Variants in FBP2 observed in about 807,000 individuals in gnomAD.
FBP2 encodes the protein fructose-1,6-bisphosphatase isozyme 2.
FBP2 carries 27 observed loss-of-function variants against 31.6 expected under a neutral mutation model. The observed-to-expected ratio is 0.85, with a 90% CI of 0.63 to 1.18. The LOEUF (loss-of-function observed/expected upper bound fraction) is 1.18. Ranked by LOEUF, FBP2 falls within the 50% of genes most tolerant of loss-of-function variation. The probability of loss-of-function intolerance (pLI) is 0.00; values close to 1 mark genes in which losing one functional copy is unlikely to be tolerated. For synonymous variants in FBP2, 168 were observed against 179.8 expected (o/e 0.93, Z 0.53); for missense variants, 421 against 436.1 (o/e 0.97, Z 0.31).
At chr9:94,563,550 C>A in intron 5 of FBP2, 89 bp from the exon 6 acceptor site, 1 of 1,449,466 alleles carries the variant, frequency 6.9e-7, no homozygotes, top group South Asian at 1.3e-5. Flanking sequence ...TTGGTGTGAC[C>A]TCTGCCTTCT....
rs538577903 is a variant in FBP2, at chr9:94,558,773, T to G, written c.*165A>C. The G allele has an allele frequency of 1.1e-4, 69 of 642,698 alleles. No homozygotes were observed. Among genetic ancestry groups the G allele is most frequent in the Non-Finnish European group, 1.8e-4 (66 of 369,376 alleles). The allele number at this position is 642,698 out of a possible 1,614,324, so 39.8% of individuals were successfully genotyped here. A position where few individuals can be genotyped will look rare whatever the true frequency, so the allele number is the denominator to read the frequency against. ...CCTTCACATTGACCATAGAATCGCC[T>G]GTGGCTTCCAAACCTGTCGTAAGCA... is the stretch of plus-strand genomic sequence containing the variant. On this transcript the variant is annotated 3_prime_UTR_variant, in exon 7 of 7. Coordinates refer to ENST00000375337, the MANE Select transcript of FBP2 (RefSeq NM_003837.4).
Position 94,564,952 on chromosome 9 carries a change from A to G in FBP2, c.706-1491T>C, listed in dbSNP as rs1433281213. On this transcript the variant is annotated intron_variant, in intron 5 of 6. Coordinates refer to ENST00000375337, the MANE Select transcript of FBP2 (RefSeq NM_003837.4). ...AAGGAGGATATTGAATGTTCCCAAC[A>G]CAAAGAAATAATAAATGTCTGAGAT... 2.6e-5 allele frequency among the ~76,000 whole-genome samples: 4 copies of G among 152,244 alleles called. No individual in the cohort carries two copies. The East Asian group carries it at 7.7e-4, about 29-fold the overall frequency.
At chr9:94,573,419 C>A (rs2987882) in intron 3 of FBP2, among the ~76,000 whole-genome samples, 2 of 151,908 alleles carry the variant, frequency 1.3e-5, no homozygotes, top group Non-Finnish European at 2.9e-5. Context: ...CTACCACCCC[C>A]CTCTCCAGCT....
chr9:94,585,858 A>G (rs1291748800), intron 2 of FBP2, among the ~76,000 whole-genome samples: 2 of 151,252 alleles, frequency 1.3e-5, no homozygotes, highest in Non-Finnish European at 2.9e-5. Context: ...CAATTCTCCC[A>G]CCTCAGACTC....
chr9:94,566,295 C>G (rs1473356418), intron 5 of FBP2, among the ~76,000 whole-genome samples: 1 of 152,254 alleles, frequency 6.6e-6, no homozygotes, highest in Non-Finnish European at 1.5e-5. Flanking sequence ...AATGCCCACG[C>G]TGGAAGGTTT....
chr9:94,593,413 T>A, intron 1 of FBP2, 144 bp downstream of exon 1: 1 of 677,528 alleles, frequency 1.5e-6, no homozygotes, highest in Non-Finnish European at 2.3e-6. Flanking sequence ...GCACACATGA[T>A]AGGAACTTGA....
chr9:94,579,397 CAA>C (rs35098649), intron 3 of FBP2, among the ~76,000 whole-genome samples: 1,180 of 66,652 alleles, frequency 0.018, 10 homozygotes, highest in African/African-American at 0.071. Flanking sequence ...GACTCTGTCT[CAA>C]AAAAAAAAAA....
intron 2 of FBP2, 21 bp from the exon 3 acceptor site, chr9:94,584,690 C>T (rs760434784): frequency 1.4e-6 from 2 of 1,475,716 alleles, no homozygotes; most frequent in Middle Eastern, 1.7e-4. Flanking sequence ...GAGGAAAGCA[C>T]CAACTGATCA....
intron 1 of FBP2, among the ~76,000 whole-genome samples, chr9:94,590,736 C>T (rs1006170559): frequency 4.6e-5 from 7 of 152,158 alleles, no homozygotes; most frequent in Non-Finnish European, 8.8e-5. Context: ...AACGGGTTGC[C>T]GATGCTGGTT....
At chr9:94,585,387 G>C (rs564557387) in intron 2 of FBP2, among the ~76,000 whole-genome samples, 16 of 152,248 alleles carry the variant, frequency 1.1e-4, no homozygotes, top group Admixed American at 3.9e-4. Flanking sequence ...TTTCCGGGGG[G>C]TCAGCGATCC....
intron 3 of FBP2, among the ~76,000 whole-genome samples, chr9:94,581,880 T>C (rs1185786665): frequency 6.6e-6 from 1 of 152,166 alleles, no homozygotes; most frequent in Non-Finnish European, 1.5e-5. Flanking sequence ...AATAGGCTGT[T>C]TGTCACAATA....
At chr9:94,593,453 C>T in intron 1 of FBP2, 104 bp downstream of exon 1, 1 of 1,074,206 alleles carries the variant, frequency 9.3e-7, no homozygotes, top group Non-Finnish European at 1.3e-6. Flanking sequence ...GCACACAGGG[C>T]CAATAAGCTT....
chr9:94,589,329 C>G (rs545356515), intron 1 of FBP2, among the ~76,000 whole-genome samples: 19 of 152,282 alleles, frequency 1.2e-4, no homozygotes, highest in African/African-American at 4.6e-4. Flanking sequence ...CTCTGCCCGG[C>G]TTTCTTCCTG....
intron 1 of FBP2, among the ~76,000 whole-genome samples, chr9:94,590,150 T>G (rs762800800): frequency 2.6e-5 from 4 of 151,996 alleles, no homozygotes; most frequent in Admixed American, 6.5e-5. Context: ...CCAGGAGATG[T>G]GAGTTCCCGG....
Position 94,571,554 on chromosome 9 carries a change from T to G in FBP2, c.475A>C (p.Asn159His), listed in dbSNP as rs1269483618. The change falls in exon 4 of 7, where the codon AAT (asparagine) becomes CAT (histidine). Residue 159 changes from asparagine (N) to histidine (H), a missense_variant. Physicochemically the swap from Asn to His is moderately conservative, Grantham distance 68. Transcript: ENST00000375337. ...SEKDALQCGR[N>H]IVAAGYALYG... ...AGCGCATAACCTGCGGCCACAATAT[T>G]GCGGCCACACTGCAGGGCATCCTTT... 1.9e-6 allele frequency: 3 copies of G among 1,613,954 alleles called. No homozygotes were observed. In the South Asian group the frequency reaches 3.3e-5, roughly 18 times the overall value.
At chr9:94,582,586 C>T (rs1231013552) in intron 3 of FBP2, among the ~76,000 whole-genome samples, 18 of 143,058 alleles carry the variant, frequency 1.3e-4, no homozygotes, top group African/African-American at 4.8e-4. Context: ...CTCGCTCTGT[C>T]ACCCAGGCTA....
rs1174386595 is a variant in FBP2, at chr9:94,561,352, A to ATTTTTTTTTTTTTTT, written c.825+1975_825+1989dup. Among the ~76,000 whole-genome samples the ATTTTTTTTTTTTTTT allele has an allele frequency of 7.3e-5, 4 of 54,990 alleles. 1 individual carries two copies. The highest frequency in any genetic ancestry group is 9.2e-5 in the Non-Finnish European group (3 of 32,754). The allele number at this position is 54,990 out of a possible 152,430, so 36.1% of individuals were successfully genotyped here. Reference sequence around the variant, plus strand: ...GCAGGCCATGTGACATGTGACCTGTATTTTTTTTTTTTTTTTTTTTTTTTT... The same window carrying ATTTTTTTTTTTTTTT: ...GCAGGCCATGTGACATGTGACCTGTATTTTTTTTTTTTTTTTTTTTTTTTTTTTTTTTTTTTTTTT... On this transcript the variant is annotated intron_variant, in intron 6 of 6. Coordinates refer to ENST00000375337, the MANE Select transcript of FBP2 (RefSeq NM_003837.4).
chr9:94,571,310 G>T, intron 4 of FBP2, 152 bp downstream of exon 4: 1 of 701,102 alleles, frequency 1.4e-6, no homozygotes, highest in East Asian at 3.1e-5. Context: ...GGTTTCTGAT[G>T]ATGGTTTTGG....
intron 3 of FBP2, 64 bp downstream of exon 3, chr9:94,584,513 A>G (rs1827404849): frequency 3.7e-6 from 4 of 1,075,498 alleles, no homozygotes; most frequent in Admixed American, 1.7e-5. Flanking sequence ...CACGGTTTTC[A>G]GCCCAGGAAC....
Sources: gnomAD v4.1 joint callset for allele counts (sites outside exome capture counted in the v4.1 genomes callset) on GRCh38, gnomAD v4.1.1 for gene constraint, MANE v1.5 for transcripts, NCBI Gene and HGNC (gene_info 2026-07-23, HGNC 2026-07-21) for gene names.